The following FHIT variants were observed in gnomAD, a reference collection of about 807,000 sequenced individuals.
FHIT encodes the protein bis(5'-adenosyl)-triphosphatase.
Under a neutral mutation model 17.9 loss-of-function variants are expected in FHIT, and 19 were observed. That is an observed-to-expected ratio of 1.06 (90% CI 0.74 to 1.56). FHIT has a LOEUF of 1.56. Among genes scored for constraint, FHIT ranks in the 40% most tolerant of loss-of-function variants. FHIT has a pLI of 0.00. For synonymous variants in FHIT, 81 were observed against 69.7 expected (o/e 1.16, Z -0.81); for missense variants, 248 against 189.2 (o/e 1.31, Z -1.82).
intron 4 of FHIT, among the ~76,000 whole-genome samples, chr3:60,800,153 A>G (rs1265669878): frequency 1.3e-5 from 2 of 152,092 alleles, no homozygotes; most frequent in African/African-American, 4.8e-5. Flanking sequence ...TTCCAAGCTG[A>G]ATTTCCTTCC....
intron 7 of FHIT, among the ~76,000 whole-genome samples, chr3:59,993,281 G>A (rs1415375995): frequency 6.6e-6 from 1 of 152,020 alleles, no homozygotes; most frequent in African/African-American, 2.4e-5. Context: ...CGGAAAGAGA[G>A]GTACTGAGTC....
intron 4 of FHIT, among the ~76,000 whole-genome samples, chr3:60,655,921 G>A (rs1321044303): frequency 6.6e-6 from 1 of 152,138 alleles, no homozygotes; most frequent in Non-Finnish European, 1.5e-5. Flanking sequence ...CCACGTTTTG[G>A]CTACTACGCC....
chr3:60,590,705 A>G (rs546888381), intron 4 of FHIT, among the ~76,000 whole-genome samples: 1 of 152,276 alleles, frequency 6.6e-6, no homozygotes, highest in African/African-American at 2.4e-5. Flanking sequence ...AGAAAAATAC[A>G]TTAATTCAAC....
intron 3 of FHIT, among the ~76,000 whole-genome samples, chr3:60,982,637 G>T (rs1448438473): frequency 1.3e-5 from 2 of 152,120 alleles, no homozygotes; most frequent in Admixed American, 1.3e-4. Context: ...TCTCAATGGG[G>T]ACTCTCCCTG....
chr3:59,908,924 A>G (rs537165482), intron 8 of FHIT, among the ~76,000 whole-genome samples: 10 of 151,496 alleles, frequency 6.6e-5, no homozygotes, highest in South Asian at 2.1e-4. Context: ...ACACAGCAAG[A>G]GTTGACTTGG....
intron 4 of FHIT, among the ~76,000 whole-genome samples, chr3:60,757,631 C>A (rs1553718649): frequency 6.6e-6 from 1 of 152,116 alleles, no homozygotes; most frequent in Non-Finnish European, 1.5e-5. Context: ...TGAGTTGGTG[C>A]AGTGACCAGG....
intron 5 of FHIT, among the ~76,000 whole-genome samples, chr3:60,339,992 T>C (rs910972812): frequency 3.3e-5 from 5 of 152,196 alleles, no homozygotes; most frequent in African/African-American, 1.2e-4. Flanking sequence ...TTGACACCTC[T>C]GGTTTGATTT....
At chr3:60,571,458 C>T (rs1171184948) in intron 4 of FHIT, among the ~76,000 whole-genome samples, 3 of 148,014 alleles carry the variant, frequency 2.0e-5, no homozygotes, top group Non-Finnish European at 3.0e-5. Flanking sequence ...TTTTCTTTTA[C>T]AGGAGTAGAT....
intron 8 of FHIT, among the ~76,000 whole-genome samples, chr3:59,899,525 T>C (rs1020123393): frequency 6.6e-5 from 10 of 152,064 alleles, no homozygotes; most frequent in Admixed American, 3.3e-4. Flanking sequence ...TGCAAGTCAA[T>C]GGAAGGTTTA....
At chr3:60,700,849 T>A (rs113867062) in intron 4 of FHIT, among the ~76,000 whole-genome samples, 2 of 152,190 alleles carry the variant, frequency 1.3e-5, no homozygotes, top group African/African-American at 2.4e-5. Flanking sequence ...TGTCTCTTGG[T>A]CACTTAAATT....
chr3:60,932,875 C>A (rs1708031260), intron 3 of FHIT, among the ~76,000 whole-genome samples: 1 of 152,142 alleles, frequency 6.6e-6, no homozygotes, highest in Non-Finnish European at 1.5e-5. Flanking sequence ...CACAACCAAC[C>A]ACTCACCCTT....
intron 5 of FHIT, among the ~76,000 whole-genome samples, chr3:60,188,061 C>T (rs1702234199): frequency 1.3e-5 from 2 of 152,062 alleles, no homozygotes; most frequent in South Asian, 4.1e-4. Context: ...ATCATAGATT[C>T]CAAGCACATT....
intron 4 of FHIT, among the ~76,000 whole-genome samples, chr3:60,661,905 T>G (rs1426884544): frequency 2.6e-5 from 4 of 151,878 alleles, no homozygotes; most frequent in Admixed American, 1.3e-4. Flanking sequence ...GGATTGTTTG[T>G]TTTTTTTCTT....
intron 4 of FHIT, chr3:60,732,609 T>C: frequency 1.8e-6 from 1 of 551,566 alleles, no homozygotes; most frequent in East Asian, 4.3e-5. Flanking sequence ...TCAATGGCAA[T>C]GTGGAAGTAC....
chr3:61,104,191 G>A (rs1337327218), intron 2 of FHIT, among the ~76,000 whole-genome samples: 2 of 152,118 alleles, frequency 1.3e-5, no homozygotes, highest in African/African-American at 4.8e-5. Flanking sequence ...CCATGTTTTT[G>A]TAGTGGCTGG....
At chr3:60,732,273 AACC>A in intron 4 of FHIT, 1 of 914,248 alleles carries the variant, frequency 1.1e-6, no homozygotes, top group Non-Finnish European at 1.8e-6. Flanking sequence ...CTTGCCATCC[AACC>A]ACTGAGTCTT....
chr3:61,055,241 G>A (rs2034176537), intron 2 of FHIT, among the ~76,000 whole-genome samples: 1 of 152,080 alleles, frequency 6.6e-6, no homozygotes. Context: ...AAGAATGCAT[G>A]GATGAATGAA....
chr3:60,028,309 C>T (rs1700841130), intron 5 of FHIT, among the ~76,000 whole-genome samples: 1 of 152,212 alleles, frequency 6.6e-6, no homozygotes, highest in Non-Finnish European at 1.5e-5. Flanking sequence ...TCCCCAACAA[C>T]ACGGTTTAAA....
chr3:59,866,572 C>T (rs1702661547), intron 8 of FHIT, among the ~76,000 whole-genome samples: 1 of 152,122 alleles, frequency 6.6e-6, no homozygotes, highest in African/African-American at 2.4e-5. Flanking sequence ...AGACTGTTAC[C>T]TTCCAGGACC....
Sources: allele counts gnomAD v4.1 joint callset (sites outside exome capture counted in the v4.1 genomes callset), GRCh38; gene constraint gnomAD v4.1.1; transcripts MANE v1.5; gene names NCBI Gene and HGNC (gene_info 2026-07-23, HGNC 2026-07-21).